MYRFL: variants seen among roughly 807,000 people sequenced by gnomAD.
The protein encoded by MYRFL is myelin regulatory factor like.
In MYRFL, 88 loss-of-function variants were observed where a neutral mutation model predicts 109.4. The ratio of observed to expected loss-of-function variants is 0.80; its 90% confidence interval spans 0.68 to 0.96. The LOEUF (loss-of-function observed/expected upper bound fraction) is 0.96, where lower values mean the gene tolerates loss of function less well. Among genes scored for constraint, MYRFL ranks in the 40% least tolerant of loss-of-function variants. The probability of loss-of-function intolerance (pLI) is 0.00; values close to 1 mark genes in which losing one functional copy is unlikely to be tolerated. For synonymous variants in MYRFL, 324 were observed against 320.9 expected, an observed-to-expected ratio of 1.01 and a Z score of -0.10; for missense variants, 957 against 954.9, an observed-to-expected ratio of 1.00 and a Z score of -0.03.
intron 13 of MYRFL, 62 bp downstream of exon 13, chr12:69,910,992 T>C: frequency 8.5e-7 from 1 of 1,178,616 alleles, no homozygotes; most frequent in Non-Finnish European, 1.2e-6. Context: ...CCCCCTTCTG[T>C]GATAGCACAA....
intron 15 of MYRFL, 38 bp downstream of exon 15, chr12:69,927,786 T>A: frequency 1.3e-6 from 2 of 1,488,664 alleles, no homozygotes; most frequent in Non-Finnish European, 1.8e-6. Flanking sequence ...AAATGATGTT[T>A]TCTACTTAAA....
chr12:69,852,316 G>C (rs1883922650), intron 1 of MYRFL, among the ~76,000 whole-genome samples: 1 of 152,048 alleles, frequency 6.6e-6, no homozygotes, highest in African/African-American at 2.4e-5. Flanking sequence ...GCCTTTCATA[G>C]AGTTTTTAGT....
chr12:69,836,357 C>A (rs965608329), intron 1 of MYRFL, among the ~76,000 whole-genome samples: 8 of 152,166 alleles, frequency 5.3e-5, no homozygotes, highest in African/African-American at 1.9e-4. Flanking sequence ...GGAAATGCAG[C>A]AGAAATGCCT....
At chr12:69,873,701 A>G (rs1349750161) in intron 2 of MYRFL, among the ~76,000 whole-genome samples, 2 of 152,212 alleles carry the variant, frequency 1.3e-5, no homozygotes, top group African/African-American at 2.4e-5. Flanking sequence ...TTTAAAACTT[A>G]CAAATTATTT....
intron 2 of MYRFL, among the ~76,000 whole-genome samples, chr12:69,874,763 T>C (rs999559197): frequency 1.3e-4 from 20 of 152,092 alleles, no homozygotes; most frequent in African/African-American, 4.3e-4. Context: ...ACTTTAAAGA[T>C]GTTTTTGTAC....
chr12:69,870,686 C>T (rs1424878912), intron 2 of MYRFL, among the ~76,000 whole-genome samples: 1 of 152,142 alleles, frequency 6.6e-6, no homozygotes, highest in Non-Finnish European at 1.5e-5. Flanking sequence ...TGCAAAATTT[C>T]TCTAACTGTA....
Position 69,957,898 on chromosome 12 carries a change from A to G in MYRFL, c.2527A>G (p.Lys843Glu). ...ATGTTTCCATAGTAAAAGGGGAACC[A>G]AAGGGCTGGAAAGCCACAGAGAAAT... is the stretch of plus-strand genomic sequence containing the variant. ...NICFHSKRGT[K>E]GLESHREISQ... The change falls in exon 23 of 25, where the codon AAA (lysine) becomes GAA (glutamate). Residue 843 changes from lysine (K) to glutamate (E), a missense_variant. Physicochemically the swap from Lys to Glu is moderately conservative, Grantham distance 56. Coordinates refer to ENST00000552032, the MANE Select transcript of MYRFL (RefSeq NM_182530.3). 1 of 1,535,296 alleles carries G rather than the reference A, an allele frequency of 6.5e-7. No homozygotes were observed. The highest frequency in any genetic ancestry group is 8.7e-7 in the Non-Finnish European group (1 of 1,146,266).
Position 69,833,332 on chromosome 12 carries a change from G to A in MYRFL, c.46+7769G>A, listed in dbSNP as rs146685440. On this transcript the variant is annotated intron_variant, in intron 1 of 24. Transcript: ENST00000552032. ...TGTTTCAAGAAGAATATGGTTAAACGTTTCAAATGTTTCTGAAATACAAGA... is the reference window on the plus strand; with the variant it reads ...TGTTTCAAGAAGAATATGGTTAAACATTTCAAATGTTTCTGAAATACAAGA... Among the ~76,000 whole-genome samples, 298 of 152,160 alleles carry A rather than the reference G, an allele frequency of 2.0e-3. 2 individuals carry two copies. Among genetic ancestry groups the A allele is most frequent in the African/African-American group, 7.0e-3 (291 of 41,546 alleles).
intron 10 of MYRFL, among the ~76,000 whole-genome samples, chr12:69,901,778 C>T (rs1954190478): frequency 6.6e-6 from 1 of 152,156 alleles, no homozygotes; most frequent in Non-Finnish European, 1.5e-5. Flanking sequence ...TGCAGAAAAG[C>T]TCTTTGTTCA....
chr12:69,958,076 C>T (rs1343577076), intron 23 of MYRFL, 134 bp downstream of exon 23: 2 of 1,327,808 alleles, frequency 1.5e-6, no homozygotes, highest in Admixed American at 2.7e-5. Flanking sequence ...ATGAAGTTGC[C>T]TTCTAAGGCA....
At chr12:69,836,358 A>G (rs955208747) in intron 1 of MYRFL, among the ~76,000 whole-genome samples, 1 of 152,194 alleles carries the variant, frequency 6.6e-6, no homozygotes, top group African/African-American at 2.4e-5. Flanking sequence ...GAAATGCAGC[A>G]GAAATGCCTG....
At chr12:69,889,473 A>G (rs1013777167) in intron 6 of MYRFL, among the ~76,000 whole-genome samples, 11 of 152,118 alleles carry the variant, frequency 7.2e-5, no homozygotes, top group Admixed American at 6.5e-5. Flanking sequence ...GGATTTTGGA[A>G]GATTGTATTA....
intron 19 of MYRFL, among the ~76,000 whole-genome samples, chr12:69,937,519 A>G (rs2120489640): frequency 6.6e-6 from 1 of 152,352 alleles, no homozygotes; most frequent in Admixed American, 6.5e-5. Flanking sequence ...TTCCATCACA[A>G]TAATTATTTC....
intron 10 of MYRFL, among the ~76,000 whole-genome samples, chr12:69,901,883 G>GTT (rs1274815385): frequency 4.0e-5 from 3 of 75,414 alleles, no homozygotes; most frequent in South Asian, 8.9e-4. Context: ...TTTCACTGCT[G>GTT]TTTTTTTTTG....
chr12:69,859,923 C>CT (rs1256735017), intron 2 of MYRFL, among the ~76,000 whole-genome samples: 21 of 151,634 alleles, frequency 1.4e-4, no homozygotes, highest in Admixed American at 4.6e-4. Context: ...CTGCAGCTCT[C>CT]TTTTTTTTTC....
chr12:69,959,003 T>C lies in MYRFL; in HGVS notation c.*472T>C, dbSNP rs1379545872. On this transcript the variant is annotated 3_prime_UTR_variant, in exon 25 of 25. Coordinates refer to ENST00000552032, the MANE Select transcript of MYRFL (RefSeq NM_182530.3). ...GTGGTATCTGATACTGAGCTCACATTTAGGCAAATTGTCCTATGTGTGTGT... is the reference window on the plus strand; with the variant it reads ...GTGGTATCTGATACTGAGCTCACATCTAGGCAAATTGTCCTATGTGTGTGT... The C allele has an allele frequency of 6.2e-6, 1 of 160,608 alleles. No homozygotes were observed. Among genetic ancestry groups the C allele is most frequent in the Non-Finnish European group, 1.4e-5 (1 of 73,902 alleles). 9.9% of individuals were successfully genotyped at this position (160,608 alleles called of 1,614,324 possible). A position where few individuals can be genotyped will look rare whatever the true frequency, so the allele number is the denominator to read the frequency against.
intron 16 of MYRFL, among the ~76,000 whole-genome samples, chr12:69,934,745 C>A (rs1488423759): frequency 6.6e-6 from 1 of 152,144 alleles, no homozygotes; most frequent in Non-Finnish European, 1.5e-5. Context: ...CATCTCTTCC[C>A]CAAATTCAGG....
chr12:69,952,648 C>A lies in MYRFL; in HGVS notation c.2288-151C>A, dbSNP rs1194288447. On this transcript the variant is annotated intron_variant, in intron 20 of 24. Transcript: ENST00000552032. The stretch of plus-strand genomic sequence containing the variant: ...AAAGCCTTCTCCCCTTCCTTTTCCT[C>A]CTGTTTGTTTTCCATTTGAATACAA... The A allele has an allele frequency of 5.2e-6, 3 of 579,464 alleles. No homozygotes were observed. In the East Asian group the frequency reaches 9.2e-5, roughly 18 times the overall value. 35.9% of individuals were successfully genotyped at this position (579,464 alleles called of 1,614,324 possible). A position where few individuals can be genotyped will look rare whatever the true frequency, so the allele number is the denominator to read the frequency against.
intron 13 of MYRFL, among the ~76,000 whole-genome samples, 190 bp from the exon 14 acceptor site, chr12:69,926,381 C>T (rs930068119): frequency 2.6e-5 from 4 of 152,152 alleles, no homozygotes; most frequent in African/African-American, 9.7e-5. Flanking sequence ...GTTTACTACA[C>T]AGCCAGCAGT....
Sources: gnomAD v4.1 joint callset for allele counts (sites outside exome capture counted in the v4.1 genomes callset) on GRCh38, gnomAD v4.1.1 for gene constraint, MANE v1.5 for transcripts, NCBI Gene and HGNC (gene_info 2026-07-23, HGNC 2026-07-21) for gene names.